AMPD3: variants seen among roughly 807,000 people sequenced by gnomAD.
The protein encoded by AMPD3 is adenosine monophosphate deaminase 3.
A neutral mutation model predicts 82.3 loss-of-function variants in AMPD3; 57 were observed. The observed-to-expected ratio is 0.69, with a 90% CI of 0.56 to 0.86. AMPD3 has a LOEUF of 0.86. Among genes scored for constraint, AMPD3 ranks in the 40% least tolerant of loss-of-function variants. The pLI is 0.00. For synonymous variants in AMPD3, 381 were observed against 394.7 expected (o/e 0.97, Z 0.41); for missense variants, 870 against 1,003.8 (o/e 0.87, Z 1.80).
At chr11:10,455,546 A>T in intron 1 of AMPD3, 98 bp downstream of exon 1, 1 of 642,660 alleles carries the variant, frequency 1.6e-6, no homozygotes, top group Non-Finnish European at 1.9e-6. Context: ...GGTAAAGCTT[A>T]TCAGGCTTCG....
chr11:10,452,632 T>C (rs952826748), upstream of AMPD3, among the ~76,000 whole-genome samples: 5 of 152,196 alleles, frequency 3.3e-5, no homozygotes, highest in African/African-American at 1.2e-4. Flanking sequence ...ATAAATAAGG[T>C]TGAATAAAAG....
intron 10 of AMPD3, chr11:10,497,807 C>A (rs1417339048): frequency 1.0e-6 from 1 of 985,228 alleles, no homozygotes; most frequent in African/African-American, 1.7e-5. Flanking sequence ...CACACTCGTG[C>A]GTGCTTCTGC....
chr11:10,490,457 T>C (rs1849208171), intron 6 of AMPD3: 1 of 983,780 alleles, frequency 1.0e-6, no homozygotes, highest in Non-Finnish European at 1.2e-6. Flanking sequence ...GGTATGGAAA[T>C]GGTCAATGTT....
Position 10,484,379 on chromosome 11 carries a change from C to T in AMPD3, c.590-441C>T, listed in dbSNP as rs373846143. On this transcript the variant is annotated intron_variant, in intron 4 of 14. Coordinates refer to ENST00000396553, the MANE Select transcript of AMPD3 (RefSeq NM_001025389.2). ...CTGGCCTGGGCTCGGGACAGTTATT[C>T]CCACTGGGCAGTCCAGGTGCAATCT... is the stretch of plus-strand genomic sequence containing the variant. 119 of 985,304 alleles carry T rather than the reference C, an allele frequency of 1.2e-4. No homozygotes were observed. The South Asian group carries it at 4.5e-3, about 37-fold the overall frequency. The allele number at this position is 985,304 out of a possible 1,614,324, so 61.0% of individuals were successfully genotyped here. A position where few individuals can be genotyped will look rare whatever the true frequency, so the allele number is the denominator to read the frequency against.
chr11:10,502,931 A>T, intron 13 of AMPD3, 37 bp downstream of exon 13: 1 of 1,602,696 alleles, frequency 6.2e-7, no homozygotes, highest in Non-Finnish European at 8.5e-7. Context: ...GTGCTTCAGT[A>T]GGCACCAGTC....
intron 5 of AMPD3, 41 bp from the exon 6 acceptor site, chr11:10,487,194 A>G: frequency 6.2e-7 from 1 of 1,613,138 alleles, no homozygotes; most frequent in Non-Finnish European, 8.5e-7. Flanking sequence ...GGAGAGCTCG[A>G]TGCGACTCAA....
At chr11:10,478,773 G>C in intron 3 of AMPD3, 43 bp downstream of exon 3, 5 of 1,599,824 alleles carry the variant, frequency 3.1e-6, no homozygotes, top group Non-Finnish European at 4.2e-6. Flanking sequence ...TGCATGCAAA[G>C]GCCAGGGGCC....
chr11:10,469,228 A>G (rs1385050442), intron 2 of AMPD3, among the ~76,000 whole-genome samples: 2 of 152,136 alleles, frequency 1.3e-5, no homozygotes, highest in South Asian at 2.1e-4. Context: ...GAAAAGATCA[A>G]TGAAATAAAT....
chr11:10,489,454 A>T (rs112738275), intron 6 of AMPD3, among the ~76,000 whole-genome samples: 68 of 152,210 alleles, frequency 4.5e-4, no homozygotes, highest in Non-Finnish European at 8.2e-4. Context: ...TGGCCACAAC[A>T]TGAGAAACAG....
At chr11:10,469,749 A>G (rs1353772768) in intron 2 of AMPD3, among the ~76,000 whole-genome samples, 1 of 152,234 alleles carries the variant, frequency 6.6e-6, no homozygotes, top group Non-Finnish European at 1.5e-5. Context: ...CATCGATGTA[A>G]AAGTCTTCGG....
At chr11:10,478,262 C>T (rs1848798230) in intron 2 of AMPD3, 1 of 985,334 alleles carries the variant, frequency 1.0e-6, no homozygotes, top group Admixed American at 6.1e-5. Flanking sequence ...GGGCATTTGC[C>T]TGCTTTAATC....
At position 10,501,629 on chromosome 11, in the gene AMPD3, G is replaced by C. The variant is rs201299838; in HGVS notation, c.1842+39G>C. 5.6e-6 allele frequency: 9 copies of C among 1,613,966 alleles called. No individual in the cohort carries two copies. In the East Asian group the frequency reaches 2.0e-4, roughly 36 times the overall value. ...TCTCGGGAGCCCGTCCTGAGTGACT[G>C]CCCTGCCCTGGGCTCCTGGGAGGCT... is the stretch of plus-strand genomic sequence containing the variant. On this transcript the variant is annotated intron_variant, in intron 12 of 14. Transcript: ENST00000396553.
At chr11:10,497,058 TGTTCCAGG>T (rs1849425839) in intron 10 of AMPD3, 120 bp downstream of exon 10, 2 of 1,325,922 alleles carry the variant, frequency 1.5e-6, no homozygotes, top group Non-Finnish European at 2.2e-6. Context: ...CTGCCACCTG[TGTTCCAGG>T]CGTGGGGTCA....
At position 10,478,604 on chromosome 11, in the gene AMPD3, G is replaced by A. The variant is rs200962440; in HGVS notation, c.300G>A (p.Pro100=). ...MPPQQDWKGP[P]AASPAMSPTT... is the part of the protein sequence containing the mutation. ...CACAGCAAGATTGGAAGGGCCCCCC[G>A]GCAGCCAGTCCGGCCATGTCTCCCA... The change falls in exon 3 of 15, where the codon CCG becomes CCA. Residue 100 remains proline (P), a synonymous_variant. Coordinates refer to ENST00000396553, the MANE Select transcript of AMPD3 (RefSeq NM_001025389.2). The A allele has an allele frequency of 2.3e-5, 37 of 1,614,160 alleles. No homozygotes were observed. The highest frequency in any genetic ancestry group is 2.5e-5 in the Non-Finnish European group (30 of 1,180,018).
intron 2 of AMPD3, among the ~76,000 whole-genome samples, chr11:10,472,321 A>G (rs1848618478): frequency 6.6e-6 from 1 of 152,200 alleles, no homozygotes; most frequent in African/African-American, 2.4e-5. Context: ...GAGGGATAGC[A>G]TTCGGAGAAA....
chr11:10,455,289 C>G lies in AMPD3; in HGVS notation c.-165C>G, dbSNP rs1262105905. On this transcript the variant is annotated 5_prime_UTR_variant, in exon 1 of 15. The change creates a new upstream start codon in the 5' untranslated region. Coordinates refer to ENST00000396553, the MANE Select transcript of AMPD3 (RefSeq NM_001025389.2). ...ACTCTCCTAAAGGGCAGATGAAGAT[C>G]AGAGCTTTGCACCCTGTGATGCCAT... 9 of 985,470 alleles carry G rather than the reference C, an allele frequency of 9.1e-6. No homozygotes were observed. In the East Asian group the frequency reaches 4.5e-4, roughly 50 times the overall value. The allele number at this position is 985,470 out of a possible 1,614,324, so 61.0% of individuals were successfully genotyped here.
At position 10,478,597 on chromosome 11, in the gene AMPD3, G is replaced by A; in HGVS notation, c.293G>A (p.Gly98Asp). 1 of 1,614,150 alleles carries A rather than the reference G, an allele frequency of 6.2e-7. No homozygotes were observed. Among genetic ancestry groups the A allele is most frequent in the South Asian group, 1.1e-5 (1 of 91,080 alleles). Residue 98 changes from glycine to aspartate, a missense_variant, in exon 3 of 15, where the codon GGC becomes GAC. Coordinates refer to ENST00000396553, the MANE Select transcript of AMPD3 (RefSeq NM_001025389.2). ...LQMPPQQDWK[G>D]PPAASPAMSP... ...ATGCCGCCACAGCAAGATTGGAAGG[G>A]CCCCCCGGCAGCCAGTCCGGCCATG...
At chr11:10,478,021 C>A (rs1848790125) in intron 2 of AMPD3, 1 of 985,426 alleles carries the variant, frequency 1.0e-6, no homozygotes, top group African/African-American at 1.7e-5. Flanking sequence ...GGCTCCAATG[C>A]CCCAAATGTC....
At chr11:10,461,835 C>CATACCAGTCCCCA in intron 2 of AMPD3, 95 bp downstream of exon 2, 1 of 1,174,286 alleles carries the variant, frequency 8.5e-7, no homozygotes, top group Non-Finnish European at 1.2e-6. Context: ...CTCATGGGGA[C>CATACCAGTCCCCA]TGGTATGTCC....
Sources: gnomAD v4.1 joint callset for allele counts (sites outside exome capture counted in the v4.1 genomes callset) on GRCh38, gnomAD v4.1.1 for gene constraint, MANE v1.5 for transcripts, NCBI Gene and HGNC (gene_info 2026-07-23, HGNC 2026-07-21) for gene names.